The following MASP1 variants were observed in gnomAD, a reference collection of about 807,000 sequenced individuals.
MASP1 encodes the protein MBL associated serine protease 1.
In MASP1, 59 loss-of-function variants were observed where a neutral mutation model predicts 77.1. The ratio of observed to expected loss-of-function variants is 0.77; its 90% CI spans 0.62 to 0.95. MASP1 has a LOEUF of 0.95. Ranked by LOEUF, MASP1 falls within the 40% of genes least tolerant of loss-of-function variation. MASP1 has a pLI of 0.00. For synonymous variants in MASP1, 362 were observed against 354.5 expected, an observed-to-expected ratio of 1.02 and a Z score of -0.24; for missense variants, 885 against 912.9, an observed-to-expected ratio of 0.97 and a Z score of 0.39.
In MASP1 at chr3:187,236,070, T is replaced by G; in HGVS notation, c.1801A>C (p.Thr601Pro). 6.2e-7 allele frequency: 1 copy of G among 1,614,092 alleles called. No homozygotes were observed. Among genetic ancestry groups the G allele is most frequent in the Non-Finnish European group, 8.5e-7 (1 of 1,180,038 alleles). The change falls in exon 11 of 11, where the codon ACA (threonine) becomes CCA (proline). Residue 601 changes from threonine (T) to proline (P), a missense_variant. Physicochemically the swap from Thr to Pro is conservative, Grantham distance 38 (BLOSUM62 -1). Coordinates refer to ENST00000296280, the MANE Select transcript of MASP1 (RefSeq NM_139125.4). ...CCACTGCTGATGATCTCATCCACTG[T>G]CACATTGGGATTGGAGATGCCCCAG... Reference protein sequence around the residue: ...AGWGISNPNVTVDEIISSGTR... With the variant: ...AGWGISNPNVPVDEIISSGTR...
chr3:187,225,033 C>T (rs538690206), intron 13 of MASP1, among the ~76,000 whole-genome samples: 1 of 152,358 alleles, frequency 6.6e-6, no homozygotes, highest in South Asian at 2.1e-4. Flanking sequence ...CAGCTCTTCC[C>T]TCTTACTTCT....
chr3:187,248,943 T>G lies in MASP1; in HGVS notation c.1090+1308A>C, dbSNP rs181114615. On this transcript the variant is annotated intron_variant, in intron 8 of 10. Coordinates refer to ENST00000296280, the MANE Select transcript of MASP1 (RefSeq NM_139125.4). ...TTGGGACAATGGCAGGAGATTTGTC[T>G]GCCTGCTGAATCAAGGCCATGTAGG... Among the ~76,000 whole-genome samples, 63 of 152,370 alleles carry G rather than the reference T, an allele frequency of 4.1e-4. 1 individual carries two copies. The East Asian group carries it at 7.7e-3, about 19-fold the overall frequency.
At chr3:187,266,522 A>G (rs1716031845) in intron 2 of MASP1, among the ~76,000 whole-genome samples, 1 of 152,156 alleles carries the variant, frequency 6.6e-6, no homozygotes, top group Non-Finnish European at 1.5e-5. Flanking sequence ...GAAGAGAATA[A>G]TCTTTGAGCT....
chr3:187,273,975 C>T (rs765417957), intron 2 of MASP1, among the ~76,000 whole-genome samples: 190 of 152,154 alleles, frequency 1.2e-3, no homozygotes, highest in African/African-American at 4.3e-3. Flanking sequence ...TTTGGGAGGC[C>T]GAGGTGGGTA....
At chr3:187,228,073 C>T (rs185008450) in intron 11 of MASP1, among the ~76,000 whole-genome samples, 17 of 151,980 alleles carry the variant, frequency 1.1e-4, no homozygotes, top group Admixed American at 7.2e-4. Flanking sequence ...GAGAAGTGAA[C>T]GTCAAACATT....
chr3:187,252,778 T>G (rs1456003316), intron 6 of MASP1, among the ~76,000 whole-genome samples: 1 of 152,122 alleles, frequency 6.6e-6, no homozygotes. Flanking sequence ...AATGAAACAT[T>G]CTGGGCTAGA....
exon 16 of MASP1, chr3:187,219,894 C>G: frequency 2.9e-6 from 2 of 678,092 alleles, no homozygotes; most frequent in Non-Finnish European, 5.2e-6. Context: ...CTCTCTTGCT[C>G]CATCTCTTTA....
chr3:187,224,735 G>A (rs573889852), intron 13 of MASP1, among the ~76,000 whole-genome samples: 1 of 152,304 alleles, frequency 6.6e-6, no homozygotes, highest in East Asian at 1.9e-4. Flanking sequence ...TCTGAAGTGG[G>A]CAGTTCTACT....
chr3:187,223,027 C>A, intron 14 of MASP1: 1 of 1,074,068 alleles, frequency 9.3e-7, no homozygotes, highest in Non-Finnish European at 1.4e-6. Flanking sequence ...CTCACCAACC[C>A]CCACCCAAGC....
chr3:187,239,187 TA>T (rs4012004), intron 10 of MASP1, among the ~76,000 whole-genome samples: 22,237 of 123,144 alleles, frequency 0.18, 1,684 homozygotes, highest in African/African-American at 0.22. Context: ...TACTAAAAAT[TA>T]AAAAAAAAAA....
In MASP1 at chr3:187,247,182, T is replaced by A. The variant is rs554708839; in HGVS notation, c.1090+3069A>T. On this transcript the variant is annotated intron_variant, in intron 8 of 10. Coordinates refer to ENST00000296280, the MANE Select transcript of MASP1 (RefSeq NM_139125.4). The stretch of plus-strand genomic sequence containing the variant: ...CTTTCACACACGTAGCAGCTTCAAC[T>A]GCTGAGATCATGTTGTTCAGCACCC... 212 of 1,532,112 alleles carry A rather than the reference T, an allele frequency of 1.4e-4. 4 individuals carry two copies. In the South Asian group the frequency reaches 2.4e-3, roughly 18 times the overall value. 94.9% of individuals were successfully genotyped at this position (1,532,112 alleles called of 1,614,324 possible). A position where few individuals can be genotyped will look rare whatever the true frequency, so the allele number is the denominator to read the frequency against.
At chr3:187,249,893 T>A (rs1399233090) in intron 8 of MASP1, among the ~76,000 whole-genome samples, 1 of 152,194 alleles carries the variant, frequency 6.6e-6, no homozygotes, top group Non-Finnish European at 1.5e-5. Context: ...GCAAGGTCAC[T>A]CAGCTCTGGG....
Position 187,235,232 on chromosome 3 carries a change from G to A in MASP1, c.*452C>T. ...AAGGCTAGTCCCAGAAGGCAGAGCAGGAAAATATACAGATGCGGCATTCAG... is the reference window on the plus strand; with the variant it reads ...AAGGCTAGTCCCAGAAGGCAGAGCAAGAAAATATACAGATGCGGCATTCAG... On this transcript the variant is annotated 3_prime_UTR_variant, in exon 11 of 11. Transcript: ENST00000296280. 4 of 1,290,012 alleles carry A rather than the reference G, an allele frequency of 3.1e-6. No homozygotes were observed. Among genetic ancestry groups the A allele is most frequent in the Non-Finnish European group, 4.0e-6 (4 of 990,710 alleles). The allele number at this position is 1,290,012 out of a possible 1,614,324, so 79.9% of individuals were successfully genotyped here.
rs552471152 is a variant in MASP1, at chr3:187,287,476, G to A, written c.6-1420C>T. Reference sequence around the variant, plus strand: ...TATTGTGGGTATCACATTGCACTACGTTAGACACACCCTTTGGAGTGAAAT... The same window carrying A: ...TATTGTGGGTATCACATTGCACTACATTAGACACACCCTTTGGAGTGAAAT... On this transcript the variant is annotated intron_variant, in intron 1 of 10. Transcript: ENST00000296280. 2.0e-4 allele frequency among the ~76,000 whole-genome samples: 31 copies of A among 152,246 alleles called. 1 individual carries two copies. In the South Asian group the frequency reaches 5.8e-3, roughly 29 times the overall value.
In MASP1 at chr3:187,279,391, A is replaced by G. The variant is rs866699925; in HGVS notation, c.237+6434T>C. Among the ~76,000 whole-genome samples, 8 of 152,336 alleles carry G rather than the reference A, an allele frequency of 5.3e-5. 1 individual carries two copies. Among genetic ancestry groups the G allele is most frequent in the African/African-American group, 1.7e-4 (7 of 41,580 alleles). The stretch of plus-strand genomic sequence containing the variant: ...TGCAAGAGTTGCCAGATTTTCTAAT[A>G]TTCTAAGAGAACTTGGAAATGCAGA... On this transcript the variant is annotated intron_variant, in intron 2 of 10. Coordinates refer to ENST00000296280, the MANE Select transcript of MASP1 (RefSeq NM_139125.4).
In MASP1 at chr3:187,234,084, T is replaced by C; in HGVS notation, c.*1600A>G. 7.9e-7 allele frequency: 1 copy of C among 1,266,498 alleles called. No homozygotes were observed. The highest frequency in any genetic ancestry group is 1.3e-5 in the South Asian group (1 of 77,862). 78.5% of individuals were successfully genotyped at this position (1,266,498 alleles called of 1,614,324 possible). A position where few individuals can be genotyped will look rare whatever the true frequency, so the allele number is the denominator to read the frequency against. ...TAACAAAACCCATAAGCCAAGGCTG[T>C]TGGTTATCCACGAGGGTTTATTTCC... is the stretch of plus-strand genomic sequence containing the variant. On this transcript the variant is annotated 3_prime_UTR_variant, in exon 11 of 11. Transcript: ENST00000296280.
rs186676810 is a variant in MASP1 at position 187,246,115 on chromosome 3, C to A, written c.1091-2494G>T. ...GTGCCATCCCTGCTGCACGGGGCAC[C>A]CTGTGTCCATGCTCTGGCCACCCTG... On this transcript the variant is annotated intron_variant, in intron 8 of 10. Coordinates refer to ENST00000296280, the MANE Select transcript of MASP1 (RefSeq NM_139125.4). Among the ~76,000 whole-genome samples, 342 of 152,278 alleles carry A rather than the reference C, an allele frequency of 2.2e-3. 6 individuals carry two copies. The highest frequency in any genetic ancestry group is 2.2e-4 in the Non-Finnish European group (15 of 68,028).
intron 1 of MASP1, among the ~76,000 whole-genome samples, chr3:187,290,770 TTGTGTG>T (rs55722614): frequency 0.012 from 1,794 of 149,696 alleles, 36 homozygotes; most frequent in African/African-American, 0.037. Flanking sequence ...CTGCAGAGCA[TTGTGTG>T]TGTGTGTGTG....
At chr3:187,284,578 ATACTC>A (rs1356982794) in intron 2 of MASP1, among the ~76,000 whole-genome samples, 4 of 152,330 alleles carry the variant, frequency 2.6e-5, no homozygotes, top group African/African-American at 9.6e-5. Context: ...TACAATGACA[ATACTC>A]TACATATAAA....
Sources: gnomAD v4.1 joint callset for allele counts (sites outside exome capture counted in the v4.1 genomes callset) on GRCh38, gnomAD v4.1.1 for gene constraint, MANE v1.5 for transcripts, NCBI Gene and HGNC (gene_info 2026-07-23, HGNC 2026-07-21) for gene names.